The following ABCG8 variants were observed in gnomAD, a reference collection of about 807,000 sequenced individuals.
The protein encoded by ABCG8 is ATP binding cassette subfamily G member 8, also known as ATP-binding cassette sub-family G member 8.
ABCG8 carries 81 observed loss-of-function variants against 71.3 expected under a neutral mutation model. That is an observed-to-expected ratio of 1.14 (90% CI 0.95 to 1.37). ABCG8 has a LOEUF of 1.37. Ranked by LOEUF, ABCG8 falls within the 40% of genes most tolerant of loss-of-function variation. The pLI is 0.00. For missense variants in ABCG8, 1,119 were observed against 866.2 expected, an observed-to-expected ratio of 1.29 and a Z score of -3.66; for synonymous variants, 451 against 354.7, an observed-to-expected ratio of 1.27 and a Z score of -3.05.
intron 6 of ABCG8, among the ~76,000 whole-genome samples, chr2:43,871,322 C>G (rs77691891): frequency 7.1e-6 from 1 of 140,316 alleles, no homozygotes; most frequent in South Asian, 2.4e-4. Flanking sequence ...ATAGAACTCT[C>G]ACTCTCTGGA....
At chr2:43,851,507 G>A in intron 3 of ABCG8, 77 bp from the exon 4 acceptor site, 1 of 1,509,548 alleles carries the variant, frequency 6.6e-7, no homozygotes, top group Non-Finnish European at 9.2e-7. Context: ...GTCCTGGAGA[G>A]TGTATGGGGA....
chr2:43,840,960 A>G (rs1668566087), intron 1 of ABCG8, among the ~76,000 whole-genome samples: 1 of 152,160 alleles, frequency 6.6e-6, no homozygotes, highest in African/African-American at 2.4e-5. Context: ...TTGCACAGAG[A>G]ATATCTGGCA....
chr2:43,882,051 A>C lies in ABCG8; in HGVS notation c.*4138A>C, dbSNP rs573970757. The C allele has an allele frequency of 2.6e-5, 4 of 152,312 alleles. No homozygotes were observed. The highest frequency in any genetic ancestry group is 2.6e-4 in the Admixed American group (4 of 15,296). The allele number at this position is 152,312 out of a possible 1,614,324, so 9.4% of individuals were successfully genotyped here. On this transcript the variant is annotated 3_prime_UTR_variant, in exon 13 of 13. Transcript: ENST00000272286. ...TTGCAGAGCCTTGGTAAAGGTTTTC[A>C]AATTTGCATTTTAAGCCCTCCAATT... is the stretch of plus-strand genomic sequence containing the variant.
intron 1 of ABCG8, among the ~76,000 whole-genome samples, chr2:43,842,216 T>A (rs1205571006): frequency 6.6e-6 from 1 of 152,150 alleles, no homozygotes; most frequent in Non-Finnish European, 1.5e-5. Context: ...TTTCACTGTT[T>A]TGGCCAAGCT....
At chr2:43,859,390 G>A (rs1415547781) in intron 6 of ABCG8, among the ~76,000 whole-genome samples, 4 of 149,600 alleles carry the variant, frequency 2.7e-5, no homozygotes, top group Non-Finnish European at 3.0e-5. Context: ...TCTGGATAGC[G>A]CTCTTACTAT....
intron 6 of ABCG8, among the ~76,000 whole-genome samples, chr2:43,868,348 A>C (rs1307673464): frequency 3.4e-5 from 5 of 148,056 alleles, no homozygotes; most frequent in Non-Finnish European, 7.5e-5. Flanking sequence ...AATTCTCACT[A>C]TCTGGATAGA....
rs759609173 is a variant in ABCG8 at position 43,854,626 on chromosome 2, C to CAAAAAAAAA, written c.964+1769_964+1777dup. Among the ~76,000 whole-genome samples, 100 of 74,722 alleles carry CAAAAAAAAA rather than the reference C, an allele frequency of 1.3e-3. 4 individuals are homozygous for CAAAAAAAAA. The highest frequency in any genetic ancestry group is 5.0e-3 in the African/African-American group (93 of 18,426). 49.0% of individuals were successfully genotyped at this position (74,722 alleles called of 152,430 possible). ...TGGGCGATAGAGTGAGACTCCATCT[C>CAAAAAAAAA]AAAAAAAAAAAAAAAAAAAGGATAT... On this transcript the variant is annotated intron_variant, in intron 6 of 12. Transcript: ENST00000272286.
At chr2:43,841,207 C>G (rs1463829379) in intron 1 of ABCG8, among the ~76,000 whole-genome samples, 1 of 152,240 alleles carries the variant, frequency 6.6e-6, no homozygotes. Flanking sequence ...CTCCTCATCT[C>G]AGAACTAGAA....
In ABCG8 at chr2:43,877,882, T is replaced by C. The variant is rs1188547207; in HGVS notation, c.1991T>C (p.Phe664Ser). The part of the protein sequence containing the change: ...FMVLYYVSLR[F>S]IKQKPSQDW ...GTCCTGTACTACGTGTCCTTAAGGT[T>C]CATCAAACAGAAACCAAGTCAAGAC... is the stretch of plus-strand genomic sequence containing the variant. The change falls in exon 13 of 13, where the codon TTC becomes TCC. Residue 664 changes from phenylalanine (F) to serine (S), a missense_variant. Transcript: ENST00000272286. 6.2e-7 allele frequency: 1 copy of C among 1,613,956 alleles called. No individual in the cohort carries two copies. Among genetic ancestry groups the C allele is most frequent in the Non-Finnish European group, 8.5e-7 (1 of 1,180,012 alleles).
chr2:43,852,635 A>G lies in ABCG8; in HGVS notation c.731A>G (p.Asp244Gly). The G allele has an allele frequency of 6.2e-7, 1 of 1,614,172 alleles. No individual in the cohort carries two copies. Among genetic ancestry groups the G allele is most frequent in the South Asian group, 1.1e-5 (1 of 91,092 alleles). Residue 244 changes from aspartate (D) to glycine (G), a missense_variant, in exon 6 of 13, where the codon GAC becomes GGC. Physicochemically the swap from Asp to Gly is moderately conservative, Grantham distance 94. Coordinates refer to ENST00000272286, the MANE Select transcript of ABCG8 (RefSeq NM_022437.3). ...LILDEPTSGL[D>G]SFTAHNLVKT... The stretch of plus-strand genomic sequence containing the variant: ...CTCGACGAACCCACCTCTGGGCTCG[A>G]CAGCTTCACAGCCCACAACCTGGTG...
At chr2:43,867,305 C>A (rs1669563740) in intron 6 of ABCG8, among the ~76,000 whole-genome samples, 2 of 151,532 alleles carry the variant, frequency 1.3e-5, no homozygotes, top group African/African-American at 2.4e-5. Context: ...ATGTAACTAA[C>A]CTGCACATTG....
At chr2:43,863,209 C>T (rs1272674944) in intron 6 of ABCG8, among the ~76,000 whole-genome samples, 1 of 151,368 alleles carries the variant, frequency 6.6e-6, no homozygotes, top group Admixed American at 6.6e-5. Flanking sequence ...ATATAATTCT[C>T]ACTCTCTGGA....
At chr2:43,860,976 A>G (rs1459738302) in intron 6 of ABCG8, among the ~76,000 whole-genome samples, 1 of 151,434 alleles carries the variant, frequency 6.6e-6, no homozygotes, top group Non-Finnish European at 1.5e-5. Flanking sequence ...CTCTCTGGAT[A>G]GAACTCTCAC....
In ABCG8 at chr2:43,875,402, G is replaced by C; in HGVS notation, c.1745G>C (p.Ser582Thr). The C allele has an allele frequency of 6.2e-7, 1 of 1,613,978 alleles. No individual in the cohort carries two copies. The highest frequency in any genetic ancestry group is 2.2e-5 in the East Asian group (1 of 44,884). The change falls in exon 11 of 13, where the codon AGC (serine) becomes ACC (threonine). Residue 582 changes from serine (S) to threonine (T), a missense_variant. By Grantham distance (58) the Ser-to-Thr change is moderately conservative. Transcript: ENST00000272286. ...LAGGFMINLS[S>T]LWTVPAWISK... ...GGGGGCTTCATGATAAACTTGAGCAGCCTGTGGACAGGTAAGGCCTGCCCC... is the reference window on the plus strand; with the variant it reads ...GGGGGCTTCATGATAAACTTGAGCACCCTGTGGACAGGTAAGGCCTGCCCC...
Position 43,838,982 on chromosome 2 carries a change from A to G in ABCG8, c.-72A>G. On this transcript the variant is annotated 5_prime_UTR_variant, in exon 1 of 13. Coordinates refer to ENST00000272286, the MANE Select transcript of ABCG8 (RefSeq NM_022437.3). The surrounding 1 kb of genome is among the most constrained non-coding windows in gnomAD (Gnocchi z 4.2). ...GTCCCTGCTCCAGGAAACAGAGTGA[A>G]GACACTGGCCCTGGCAGGCAGCAGC... The G allele has an allele frequency of 1.4e-6, 2 of 1,474,440 alleles. No homozygotes were observed. Among genetic ancestry groups the G allele is most frequent in the Non-Finnish European group, 1.9e-6 (2 of 1,079,580 alleles). The allele number at this position is 1,474,440 out of a possible 1,614,324, so 91.3% of individuals were successfully genotyped here.
Position 43,873,790 on chromosome 2 carries a change from T to A in ABCG8, c.1215T>A (p.Arg405=). Residue 405 remains arginine, a synonymous_variant, in exon 9 of 13, where the codon CGT becomes CGA. Transcript: ENST00000272286. ...TCTCTTCCTTTTGGTTTTTAAGTCG[T>A]CAGATTTCCAACGACTTCCGAGACC... The part of the protein sequence containing the change: ...AVQQFTTLIR[R]QISNDFRDLP... The A allele has an allele frequency of 6.2e-7, 1 of 1,614,132 alleles. No individual in the cohort carries two copies. Among genetic ancestry groups the A allele is most frequent in the Non-Finnish European group, 8.5e-7 (1 of 1,180,024 alleles).
chr2:43,872,320 A>G lies in ABCG8; in HGVS notation c.1211+14A>G. Reference sequence around the variant, plus strand: ...GACGCTGATCCGGTAATTATCTGTCATTTTATTACTGAACCCGCCCCCCTG... The same window carrying G: ...GACGCTGATCCGGTAATTATCTGTCGTTTTATTACTGAACCCGCCCCCCTG... On this transcript the variant is annotated intron_variant, in intron 8 of 12. Transcript: ENST00000272286. 6.2e-7 allele frequency: 1 copy of G among 1,611,682 alleles called. No homozygotes were observed. The highest frequency in any genetic ancestry group is 8.5e-7 in the Non-Finnish European group (1 of 1,178,998).
intron 3 of ABCG8, among the ~76,000 whole-genome samples, chr2:43,851,149 A>G (rs1668901174): frequency 6.6e-6 from 1 of 152,208 alleles, no homozygotes; most frequent in Non-Finnish European, 1.5e-5. Flanking sequence ...GCCAACCGAC[A>G]TTGAATAATG....
intron 3 of ABCG8, chr2:43,846,589 C>T (rs149342984): frequency 4.5e-5 from 20 of 448,688 alleles, no homozygotes; most frequent in East Asian, 3.7e-4. Context: ...AACACCTGGA[C>T]GGAGAGATCA....
Sources: gnomAD v4.1 joint callset for allele counts (sites outside exome capture counted in the v4.1 genomes callset) on GRCh38, gnomAD v4.1.1 for gene constraint, Gnocchi (gnomAD v3.1) non-coding constraint, MANE v1.5 for transcripts, NCBI Gene and HGNC (gene_info 2026-07-23, HGNC 2026-07-21) for gene names.